The following KCNH5 variants were observed in gnomAD, a reference collection of about 807,000 sequenced individuals.
KCNH5 encodes the protein potassium voltage-gated channel subfamily H member 5, also known as voltage-gated delayed rectifier potassium channel KCNH5.
KCNH5 carries 46 observed loss-of-function variants against 96.1 expected under a neutral mutation model. That is an observed-to-expected ratio of 0.48 (90% CI 0.38 to 0.61). The LOEUF is 0.61. Among genes scored for constraint, KCNH5 ranks in the 20% least tolerant of loss-of-function variants. The pLI, the probability that KCNH5 is intolerant of heterozygous loss-of-function variation, is 0.00. For missense variants in KCNH5, 907 were observed against 1,225.8 expected (o/e 0.74, Z 3.88); for synonymous variants, 439 against 449.8 (o/e 0.98, Z 0.30).
intron 1 of KCNH5, among the ~76,000 whole-genome samples, chr14:63,027,592 T>C (rs562751359): frequency 7.0e-6 from 1 of 142,692 alleles, no homozygotes; most frequent in African/African-American, 2.6e-5. Flanking sequence ...TATTATTGAT[T>C]AAAATGTAGA....
intron 8 of KCNH5, among the ~76,000 whole-genome samples, chr14:62,840,068 A>G (rs944352908): frequency 1.3e-5 from 2 of 152,204 alleles, no homozygotes; most frequent in Non-Finnish European, 2.9e-5. Flanking sequence ...ACATAAGAGC[A>G]GGGATTATGT....
intron 3 of KCNH5, among the ~76,000 whole-genome samples, chr14:63,003,509 ATATATTTTATATAT>A (rs1566536767): frequency 0.044 from 5,133 of 117,488 alleles, 213 homozygotes; most frequent in East Asian, 0.15. Context: ...TATATTTTAT[ATATATTTTATATAT>A]TTTATATATA....
At chr14:63,003,544 T>C (rs1451994124) in intron 3 of KCNH5, among the ~76,000 whole-genome samples, 3 of 99,884 alleles carry the variant, frequency 3.0e-5, no homozygotes, top group South Asian at 2.7e-4. Context: ...TTATATATTA[T>C]ATATAGTATA....
chr14:62,803,451 C>T (rs891578075), intron 8 of KCNH5, among the ~76,000 whole-genome samples: 1 of 152,080 alleles, frequency 6.6e-6, no homozygotes, highest in African/African-American at 2.4e-5. Context: ...CAGGAAGGGA[C>T]AAGGGTATTG....
At chr14:62,926,935 C>T (rs1225856439) in intron 7 of KCNH5, among the ~76,000 whole-genome samples, 4 of 151,996 alleles carry the variant, frequency 2.6e-5, no homozygotes, top group Non-Finnish European at 5.9e-5. Context: ...CTGCCTGTCC[C>T]CATTTCACAC....
intron 1 of KCNH5, among the ~76,000 whole-genome samples, chr14:63,020,841 A>C (rs1399681388): frequency 6.6e-6 from 1 of 152,136 alleles, no homozygotes; most frequent in East Asian, 1.9e-4. Flanking sequence ...CTGACCAGAG[A>C]ATCAGAAGTT....
At chr14:62,988,147 C>T (rs2139576367) in intron 4 of KCNH5, among the ~76,000 whole-genome samples, 1 of 152,058 alleles carries the variant, frequency 6.6e-6, no homozygotes, top group East Asian at 1.9e-4. Flanking sequence ...AAGGAAATGT[C>T]AATAAGAAGT....
At chr14:62,835,747 T>C (rs1210654541) in intron 8 of KCNH5, among the ~76,000 whole-genome samples, 1 of 151,988 alleles carries the variant, frequency 6.6e-6, no homozygotes, top group Non-Finnish European at 1.5e-5. Flanking sequence ...TCCTATAAAA[T>C]ACCTTAAAAA....
chr14:62,738,639 C>G (rs1885208693), intron 10 of KCNH5, among the ~76,000 whole-genome samples: 1 of 152,088 alleles, frequency 6.6e-6, no homozygotes, highest in Non-Finnish European at 1.5e-5. Flanking sequence ...ATATCGCTAT[C>G]AGATCCTACA....
At chr14:62,980,614 G>A (rs752854280) in intron 6 of KCNH5, among the ~76,000 whole-genome samples, 41 of 152,042 alleles carry the variant, frequency 2.7e-4, no homozygotes, top group Admixed American at 1.5e-3. Context: ...TTCAAATGCC[G>A]CCGCTTTTCT....
chr14:62,748,736 A>G (rs1885432324), intron 10 of KCNH5, among the ~76,000 whole-genome samples: 1 of 152,156 alleles, frequency 6.6e-6, no homozygotes, highest in African/African-American at 2.4e-5. Context: ...AAGGTCGTTC[A>G]TAACTGCGAG....
chr14:62,878,201 T>TGGGG (rs66735494), intron 7 of KCNH5, among the ~76,000 whole-genome samples: 30 of 89,552 alleles, frequency 3.4e-4, no homozygotes, highest in African/African-American at 1.6e-3. Context: ...GTTGTGGGGA[T>TGGGG]GGGGGGGGGG....
At chr14:62,969,640 AG>A (rs1347302684) in intron 6 of KCNH5, among the ~76,000 whole-genome samples, 1 of 152,020 alleles carries the variant, frequency 6.6e-6, no homozygotes, top group African/African-American at 2.4e-5. Context: ...TAACGCATGC[AG>A]GGCTTAATAC....
intron 9 of KCNH5, among the ~76,000 whole-genome samples, chr14:62,785,325 G>C (rs1886299064): frequency 6.6e-6 from 1 of 152,172 alleles, no homozygotes; most frequent in Admixed American, 6.5e-5. Context: ...GTGGTGTTAG[G>C]CATAGAATAT....
At chr14:62,933,473 ATG>A (rs999841548) in intron 7 of KCNH5, among the ~76,000 whole-genome samples, 3 of 151,300 alleles carry the variant, frequency 2.0e-5, no homozygotes, top group Admixed American at 6.6e-5. Context: ...GTGTGTGTGT[ATG>A]TGTGTGTGTT....
At chr14:63,012,686 A>G (rs868537160) in intron 2 of KCNH5, among the ~76,000 whole-genome samples, 1 of 152,124 alleles carries the variant, frequency 6.6e-6, no homozygotes, top group Middle Eastern at 3.4e-3. Flanking sequence ...TATAAATAGA[A>G]CGAAGGCTGT....
At chr14:62,717,927 T>C (rs66531558) in intron 10 of KCNH5, among the ~76,000 whole-genome samples, 11,841 of 152,292 alleles carry the variant, frequency 0.078, 693 homozygotes, top group East Asian at 0.28. Flanking sequence ...CACCACGGAA[T>C]ACTATGCAGC....
At chr14:62,787,336 C>T (rs1305941778) in intron 9 of KCNH5, among the ~76,000 whole-genome samples, 1 of 152,198 alleles carries the variant, frequency 6.6e-6, no homozygotes, top group African/African-American at 2.4e-5. Context: ...CCCTAACTAT[C>T]TCCAATTCTG....
intron 7 of KCNH5, among the ~76,000 whole-genome samples, chr14:62,936,841 C>T (rs2356098): frequency 0.55 from 83,851 of 151,536 alleles, 23,689 homozygotes; most frequent in South Asian, 0.69. Context: ...ATTAGCCAGG[C>T]GTGGTGGCAC....
Sources: allele counts gnomAD v4.1 joint callset (sites outside exome capture counted in the v4.1 genomes callset), GRCh38; gene constraint gnomAD v4.1.1; transcripts MANE v1.5; gene names NCBI Gene and HGNC (gene_info 2026-07-23, HGNC 2026-07-21).